Variants in CHST11 observed in about 807,000 individuals in gnomAD.
CHST11 encodes C4S-1.
CHST11 carries 9 observed loss-of-function variants against 30.4 expected under a neutral mutation model. The observed-to-expected ratio is 0.30, with a 90% CI of 0.18 to 0.52. The LOEUF is 0.52. Among genes scored for constraint, CHST11 ranks in the 20% least tolerant of loss-of-function variants. The pLI, the probability that CHST11 is intolerant of heterozygous loss-of-function variation, is 0.97. For missense variants in CHST11, 348 were observed against 460.6 expected, an observed-to-expected ratio of 0.76 and a Z score of 2.24; for synonymous variants, 152 against 187.8, an observed-to-expected ratio of 0.81 and a Z score of 1.56.
intron 2 of CHST11, among the ~76,000 whole-genome samples, chr12:104,630,135 T>C (rs1206121852): frequency 6.6e-6 from 1 of 152,176 alleles, no homozygotes; most frequent in Non-Finnish European, 1.5e-5. Flanking sequence ...CCTTCGCCCT[T>C]GCTGTGTAAT....
At chr12:104,642,154 T>A (rs2039382798) in intron 2 of CHST11, among the ~76,000 whole-genome samples, 2 of 152,142 alleles carry the variant, frequency 1.3e-5, no homozygotes, top group Non-Finnish European at 2.9e-5. Context: ...TCAGTATTGT[T>A]CACAGTAGTG....
Position 104,544,180 on chromosome 12 carries a change from A to AAGAC in CHST11, c.119-57725_119-57722dup, listed in dbSNP as rs1555231351. 1.5e-3 allele frequency among the ~76,000 whole-genome samples: 227 copies of AAGAC among 148,610 alleles called. 6 individuals carry two copies. Among genetic ancestry groups the AAGAC allele is most frequent in the African/African-American group, 5.3e-3 (211 of 39,702 alleles). ...AAAGAAAGAAAGAAAGAAAGAAAGA[A>AAGAC]AGACCTGAAAAGAACTAATTAACGC... On this transcript the variant is annotated intron_variant, in intron 1 of 2. Transcript: ENST00000303694.
At chr12:104,585,189 A>G (rs1451928531) in intron 1 of CHST11, among the ~76,000 whole-genome samples, 1 of 152,162 alleles carries the variant, frequency 6.6e-6, no homozygotes, top group East Asian at 1.9e-4. Flanking sequence ...CTTCTGGAGA[A>G]AAGATGCTCA....
intron 1 of CHST11, among the ~76,000 whole-genome samples, chr12:104,481,513 A>ACCC (rs1275795163): frequency 6.6e-6 from 1 of 152,176 alleles, no homozygotes; most frequent in Non-Finnish European, 1.5e-5. Context: ...CAAAAACCAA[A>ACCC]CCTGGGTGCA....
chr12:104,651,750 C>T (rs371774370), intron 2 of CHST11, among the ~76,000 whole-genome samples: 4 of 152,182 alleles, frequency 2.6e-5, no homozygotes, highest in Admixed American at 2.0e-4. Flanking sequence ...TTGCTCTTTG[C>T]GCGTAATTGT....
chr12:104,489,328 C>T (rs886869929), intron 1 of CHST11, among the ~76,000 whole-genome samples: 2 of 152,138 alleles, frequency 1.3e-5, no homozygotes, highest in Admixed American at 6.5e-5. Context: ...TGAGCCACTG[C>T]GCCTGGCCCT....
chr12:104,717,676 C>T (rs1205809462), intron 2 of CHST11, among the ~76,000 whole-genome samples: 1 of 152,160 alleles, frequency 6.6e-6, no homozygotes, highest in African/African-American at 2.4e-5. Flanking sequence ...GAGTCTGAGG[C>T]AGGAGAATCA....
chr12:104,649,330 A>G (rs1566022712), intron 2 of CHST11, among the ~76,000 whole-genome samples: 1 of 152,190 alleles, frequency 6.6e-6, no homozygotes, highest in Non-Finnish European at 1.5e-5. Context: ...TCCTGTGTTA[A>G]GTCTTTTCCA....
chr12:104,571,777 T>A (rs540285893), intron 1 of CHST11, among the ~76,000 whole-genome samples: 1 of 152,354 alleles, frequency 6.6e-6, no homozygotes, highest in Admixed American at 6.5e-5. Context: ...ACAGAGGGCA[T>A]CCCTGTCTTG....
intron 1 of CHST11, among the ~76,000 whole-genome samples, chr12:104,523,815 G>A (rs2038097044): frequency 6.6e-6 from 1 of 152,148 alleles, no homozygotes; most frequent in Admixed American, 6.5e-5. Context: ...TTGTTTATAA[G>A]TTTTCTTTCT....
intron 2 of CHST11, among the ~76,000 whole-genome samples, chr12:104,648,505 C>T (rs1454086499): frequency 6.6e-6 from 1 of 152,146 alleles, no homozygotes; most frequent in Non-Finnish European, 1.5e-5. Context: ...ATGAAGGCCC[C>T]ACTTATAAAG....
intron 2 of CHST11, among the ~76,000 whole-genome samples, chr12:104,663,132 C>G (rs778346910): frequency 5.3e-5 from 8 of 152,346 alleles, no homozygotes; most frequent in Middle Eastern, 3.4e-3. Flanking sequence ...AGCAGGCTGG[C>G]CTGTGTTGGG....
chr12:104,689,589 C>T (rs2039879144), intron 2 of CHST11, among the ~76,000 whole-genome samples: 1 of 152,204 alleles, frequency 6.6e-6, no homozygotes. Flanking sequence ...CCTTGCCAGG[C>T]ACTGTGGTAG....
chr12:104,462,417 C>T (rs1381664465), intron 1 of CHST11, among the ~76,000 whole-genome samples: 1 of 152,014 alleles, frequency 6.6e-6, no homozygotes, highest in Non-Finnish European at 1.5e-5. Context: ...ATCATTGTCA[C>T]AACTAGTTAT....
At chr12:104,593,968 A>G (rs1479882412) in intron 1 of CHST11, among the ~76,000 whole-genome samples, 1 of 152,228 alleles carries the variant, frequency 6.6e-6, no homozygotes, top group African/African-American at 2.4e-5. Context: ...ATTTTTCAGG[A>G]GAGAACATGC....
chr12:104,472,147 T>C (rs540403740), intron 1 of CHST11, among the ~76,000 whole-genome samples: 75 of 151,232 alleles, frequency 5.0e-4, no homozygotes, highest in African/African-American at 1.2e-3. Context: ...TTTTCTTTTT[T>C]TTTTTTTTGT....
intron 1 of CHST11, among the ~76,000 whole-genome samples, chr12:104,598,406 T>C (rs17035928): frequency 0.16 from 24,522 of 152,160 alleles, 2,476 homozygotes; most frequent in African/African-American, 0.27. Flanking sequence ...TACAGTGTCT[T>C]CTGAGGTAGA....
intron 1 of CHST11, among the ~76,000 whole-genome samples, chr12:104,559,765 T>C (rs1244633843): frequency 6.6e-6 from 1 of 151,732 alleles, no homozygotes; most frequent in African/African-American, 2.4e-5. Flanking sequence ...ATAAATAAAA[T>C]AAAATAAAAT....
intron 1 of CHST11, 133 bp downstream of exon 1, chr12:104,457,662 A>G (rs1480205280): frequency 2.8e-6 from 2 of 725,138 alleles, no homozygotes; most frequent in Non-Finnish European, 4.9e-6. Flanking sequence ...GGCTGCCCAG[A>G]GCTCCTGGCT....
Sources: allele counts gnomAD v4.1 joint callset (sites outside exome capture counted in the v4.1 genomes callset), GRCh38; gene constraint gnomAD v4.1.1; transcripts MANE v1.5; gene names NCBI Gene and HGNC (gene_info 2026-07-23, HGNC 2026-07-21).